The following POLR2B variants were observed in gnomAD, a reference collection of about 807,000 sequenced individuals.
POLR2B encodes DNA-directed RNA polymerase II subunit RPB2.
A neutral mutation model predicts 144.6 loss-of-function variants in POLR2B; 57 were observed. That is an observed-to-expected ratio of 0.39 (90% CI 0.32 to 0.49). The LOEUF is 0.49. POLR2B is among the 20% of genes least tolerant of loss of function. POLR2B has a pLI of 0.83. For missense variants in POLR2B, 595 were observed against 1,467.4 expected (o/e 0.41, Z 9.71); for synonymous variants, 442 against 469.8 (o/e 0.94, Z 0.77).
intron 13 of POLR2B, among the ~76,000 whole-genome samples, chr4:57,013,961 A>G (rs1254908232): frequency 7.9e-5 from 12 of 151,868 alleles, no homozygotes; most frequent in African/African-American, 2.9e-4. Context: ...AAAAAAAAAA[A>G]AAAAGAGAAA....
In POLR2B at chr4:57,015,520, A is replaced by G. The variant is rs758583509; in HGVS notation, c.1819A>G (p.Ile607Val). 7.1e-7 allele frequency: 1 copy of G among 1,404,172 alleles called. No homozygotes were observed. Among genetic ancestry groups the G allele is most frequent in the Non-Finnish European group, 9.4e-7 (1 of 1,060,010 alleles). 87.0% of individuals were successfully genotyped at this position (1,404,172 alleles called of 1,614,324 possible). A position where few individuals can be genotyped will look rare whatever the true frequency, so the allele number is the denominator to read the frequency against. The part of the protein sequence containing the change: ...IVSEVSMIRD[I>V]REREIRIYTD... ...TATGTAGGTTTCTATGATCAGAGATATTCGAGAGAGGGAGATTCGGATCTA... is the reference window on the plus strand; with the variant it reads ...TATGTAGGTTTCTATGATCAGAGATGTTCGAGAGAGGGAGATTCGGATCTA... The change falls in exon 14 of 25, where the codon ATT (isoleucine) becomes GTT (valine). Residue 607 changes from isoleucine (I) to valine (V), a missense_variant. Transcript: ENST00000314595.
intron 10 of POLR2B, among the ~76,000 whole-genome samples, chr4:57,008,056 G>T (rs1560478893): frequency 6.6e-6 from 1 of 152,154 alleles, no homozygotes. Context: ...TTGTGATACT[G>T]AGTTCACACA....
chr4:56,996,206 ATGTGTG>A (rs59059584), intron 6 of POLR2B, among the ~76,000 whole-genome samples: 1,922 of 115,316 alleles, frequency 0.017, 61 homozygotes, highest in African/African-American at 0.056. Context: ...ATTTCAGTTC[ATGTGTG>A]TGTGTGTGTG....
At chr4:57,028,382 C>T (rs946597745) in intron 23 of POLR2B, among the ~76,000 whole-genome samples, 3 of 152,208 alleles carry the variant, frequency 2.0e-5, no homozygotes, top group Non-Finnish European at 1.5e-5. Context: ...CAGCCTCTCA[C>T]CTTGGCCTCC....
At position 57,030,366 on chromosome 4, in the gene POLR2B, A is replaced by G. The variant is rs763695909; in HGVS notation, c.3402A>G (p.Thr1134=). The part of the protein sequence containing the change: ...IMAIANTRTH[T]YECRGCRNKT... ...CGATTGCCAACACCAGGACCCATAC[A>G]TATGAATGCAGGGGCTGCCGCAATA... The change falls in exon 24 of 25, where the codon ACA becomes ACG. Residue 1134 remains threonine (T), a synonymous_variant. Transcript: ENST00000314595. 5.6e-6 allele frequency: 9 copies of G among 1,613,292 alleles called. No homozygotes were observed. In the South Asian group the frequency reaches 9.9e-5, roughly 18 times the overall value.
chr4:56,995,874 G>A (rs1722662048), intron 6 of POLR2B, among the ~76,000 whole-genome samples: 1 of 152,222 alleles, frequency 6.6e-6, no homozygotes, highest in Non-Finnish European at 1.5e-5. Context: ...AAGAGCCATA[G>A]AGAGTACGAG....
In POLR2B at chr4:57,020,167, G is replaced by C. The variant is rs1334621570; in HGVS notation, c.2324-732G>C. Among the ~76,000 whole-genome samples, 2 of 152,120 alleles carry C rather than the reference G, an allele frequency of 1.3e-5. 1 individual carries two copies. The highest frequency in any genetic ancestry group is 3.9e-4 in the East Asian group (2 of 5,190). On this transcript the variant is annotated intron_variant, in intron 16 of 24. Transcript: ENST00000314595. ...TTCTGTCTCAGCCTCCTGAGTAGCT[G>C]GGACTGCAGGCGCGTGCCACCACGC...
At chr4:57,003,727 C>T (rs138199684) in intron 7 of POLR2B, among the ~76,000 whole-genome samples, 2,108 of 152,064 alleles carry the variant, frequency 0.014, 48 homozygotes, top group African/African-American at 0.047. Flanking sequence ...CCTGTAATCC[C>T]AGCTACTCTG....
chr4:57,030,386 G>C lies in POLR2B; in HGVS notation c.3422G>C (p.Arg1141Pro), dbSNP rs1393017567. Residue 1141 changes from arginine (R) to proline (P), a missense_variant, in exon 24 of 25, where the codon CGC becomes CCC. Arg to Pro is a moderately radical substitution (Grantham distance 103). Transcript: ENST00000314595. ...CATACATATGAATGCAGGGGCTGCC[G>C]CAATAAAACCCAGGTGTGTATAGAC... ...RTHTYECRGC[R>P]NKTQISLVRM... 1 of 1,609,968 alleles carries C rather than the reference G, an allele frequency of 6.2e-7. No individual in the cohort carries two copies. The highest frequency in any genetic ancestry group is 1.7e-5 in the Admixed American group (1 of 59,356).
intron 7 of POLR2B, among the ~76,000 whole-genome samples, chr4:57,000,134 T>C (rs1261725403): frequency 6.6e-6 from 1 of 152,180 alleles, no homozygotes; most frequent in East Asian, 1.9e-4. Context: ...AATTTCAGAC[T>C]TACAGAAAAG....
At chr4:56,980,029 C>A (rs926698487) in intron 1 of POLR2B, among the ~76,000 whole-genome samples, 1 of 152,026 alleles carries the variant, frequency 6.6e-6, no homozygotes, top group Non-Finnish European at 1.5e-5. Flanking sequence ...TACATCTCCT[C>A]TCTCTATTCC....
rs561902555 is a variant in POLR2B, at chr4:56,995,526, G to A, written c.735+117G>A. The stretch of plus-strand genomic sequence containing the variant: ...CTGGAGCATATTGTTGTTATATATC[G>A]TATTGTTTACCTATCGCTGTGTAAC... On this transcript the variant is annotated intron_variant, in intron 6 of 24. Transcript: ENST00000314595. 151 of 640,100 alleles carry A rather than the reference G, an allele frequency of 2.4e-4. 1 individual carries two copies. The African/African-American group carries it at 2.4e-3, about 10-fold the overall frequency. 39.7% of individuals were successfully genotyped at this position (640,100 alleles called of 1,614,324 possible).
At chr4:56,994,625 T>G in intron 4 of POLR2B, 22 bp from the exon 5 acceptor site, 1 of 1,534,192 alleles carries the variant, frequency 6.5e-7, no homozygotes. Flanking sequence ...TGCTTAACTG[T>G]GATCTACTTT....
intron 14 of POLR2B, among the ~76,000 whole-genome samples, 176 bp from the exon 15 acceptor site, chr4:57,016,867 T>A (rs937154665): frequency 6.7e-6 from 1 of 148,524 alleles, no homozygotes; most frequent in African/African-American, 2.4e-5. Flanking sequence ...AACAATCATG[T>A]AACTATGTTG....
At chr4:56,993,164 G>A (rs1578562426) in intron 3 of POLR2B, among the ~76,000 whole-genome samples, 1 of 152,004 alleles carries the variant, frequency 6.6e-6, no homozygotes, top group South Asian at 2.1e-4. Context: ...AATTAGCCGG[G>A]CCTGGTGGTG....
intron 16 of POLR2B, among the ~76,000 whole-genome samples, chr4:57,018,509 A>G (rs369911445): frequency 6.6e-6 from 1 of 152,078 alleles, no homozygotes; most frequent in East Asian, 1.9e-4. Context: ...GGTGCTTTGA[A>G]TAGGTTGGGG....
chr4:57,017,533 G>A lies in POLR2B; in HGVS notation c.2155-27G>A. 1 of 1,547,384 alleles carries A rather than the reference G, an allele frequency of 6.5e-7. No homozygotes were observed. Among genetic ancestry groups the A allele is most frequent in the Non-Finnish European group, 8.7e-7 (1 of 1,147,782 alleles). Reference sequence around the variant, plus strand: ...CCATTAGTGATAGTAACTTTTTGTTGTTTCTGCTTTTCATTTTTACGTTTA... The same window carrying A: ...CCATTAGTGATAGTAACTTTTTGTTATTTCTGCTTTTCATTTTTACGTTTA... On this transcript the variant is annotated intron_variant, in intron 15 of 24. Coordinates refer to ENST00000314595, the MANE Select transcript of POLR2B (RefSeq NM_000938.3). This position sits in a 1 kb window ranked among gnomAD's most constrained non-coding sequence, Gnocchi z 4.8.
chr4:57,018,089 A>G lies in POLR2B; in HGVS notation c.2323+361A>G, dbSNP rs1289126478. On this transcript the variant is annotated intron_variant, in intron 16 of 24. Coordinates refer to ENST00000314595, the MANE Select transcript of POLR2B (RefSeq NM_000938.3). ...CGAAGACATGCAAAATGTACGGTAC[A>G]GTTAGTCATGTCAGCTTAGTGGGAG... is the stretch of plus-strand genomic sequence containing the variant. 3.9e-5 allele frequency among the ~76,000 whole-genome samples: 6 copies of G among 152,214 alleles called. No individual in the cohort carries two copies. The South Asian group carries it at 1.0e-3, about 26-fold the overall frequency.
At chr4:56,983,085 C>T (rs1718886) in intron 1 of POLR2B, among the ~76,000 whole-genome samples, 65,098 of 151,930 alleles carry the variant, frequency 0.43, 14,278 homozygotes, top group Admixed American at 0.5. Flanking sequence ...CCACACTGGC[C>T]ATAGGGATCT....
Sources: allele counts gnomAD v4.1 joint callset (sites outside exome capture counted in the v4.1 genomes callset), GRCh38; gene constraint gnomAD v4.1.1; non-coding constraint Gnocchi (gnomAD v3.1); transcripts MANE v1.5; gene names NCBI Gene and HGNC (gene_info 2026-07-23, HGNC 2026-07-21).